Variants in MYO16 observed in about 807,000 individuals in gnomAD.
MYO16 encodes unconventional myosin-XVI.
Under a neutral mutation model 205.3 loss-of-function variants are expected in MYO16, and 94 were observed. That is an observed-to-expected ratio of 0.46 (90% CI 0.39 to 0.54). The LOEUF is 0.54. MYO16 is among the 20% of genes least tolerant of loss of function. MYO16 has a pLI of 0.00. For missense variants in MYO16, 2,315 were observed against 2,387.5 expected, an observed-to-expected ratio of 0.97 and a Z score of 0.63; for synonymous variants, 988 against 954.0, an observed-to-expected ratio of 1.04 and a Z score of -0.66.
chr13:108,651,308 C>A (rs1880993412), intron 1 of MYO16, among the ~76,000 whole-genome samples: 1 of 152,160 alleles, frequency 6.6e-6, no homozygotes, highest in Non-Finnish European at 1.5e-5. Flanking sequence ...GCTGGGTCTA[C>A]TGGGATAATG....
intron 4 of MYO16, among the ~76,000 whole-genome samples, chr13:108,754,117 A>AACAAACTGTAGCATGCAGG: frequency 6.6e-6 from 1 of 152,096 alleles, no homozygotes; most frequent in African/African-American, 2.4e-5. Flanking sequence ...TAGCATGCAG[A>AACAAACTGTAGCATGCAGG]ACAAACTGTA....
chr13:108,720,689 C>T (rs1398377282), intron 3 of MYO16, among the ~76,000 whole-genome samples: 1 of 152,148 alleles, frequency 6.6e-6, no homozygotes, highest in East Asian at 1.9e-4. Flanking sequence ...CTCTAGTCTC[C>T]TCTGCCATGA....
At chr13:108,987,658 A>G (rs545732671) in intron 20 of MYO16, among the ~76,000 whole-genome samples, 8 of 152,182 alleles carry the variant, frequency 5.3e-5, no homozygotes, top group Non-Finnish European at 1.2e-4. Flanking sequence ...GAATGTGTTT[A>G]TATTTAATTC....
intron 1 of MYO16, among the ~76,000 whole-genome samples, chr13:108,652,156 C>CGCGCGCGCATGTGT (rs2139403503): frequency 6.6e-6 from 1 of 150,710 alleles, no homozygotes. Flanking sequence ...TGTGTGTGTG[C>CGCGCGCGCATGTGT]GCGCGCGCGC....
At chr13:108,805,506 G>A (rs7325433) in intron 6 of MYO16, among the ~76,000 whole-genome samples, 96,865 of 151,912 alleles carry the variant, frequency 0.64, 32,704 homozygotes, top group East Asian at 0.77. Context: ...ACAAAATTCC[G>A]TGCTATCAAA....
chr13:108,679,994 C>T (rs1391374507), intron 2 of MYO16, among the ~76,000 whole-genome samples: 1 of 152,156 alleles, frequency 6.6e-6, no homozygotes, highest in African/African-American at 2.4e-5. Context: ...ACTTGCAGCT[C>T]TTTCTGTGTA....
chr13:108,567,602 C>T, the MYO16 span, among the ~76,000 whole-genome samples: 1 of 152,082 alleles, frequency 6.6e-6, no homozygotes, highest in Non-Finnish European at 1.5e-5. Flanking sequence ...ATGAAGAGAA[C>T]TTGGTGATAT....
chr13:108,528,546 T>TCTCTCCTCTC, the MYO16 span, among the ~76,000 whole-genome samples: 6 of 104,492 alleles, frequency 5.7e-5, no homozygotes, highest in South Asian at 1.0e-3. Flanking sequence ...TTTTATTTTG[T>TCTCTCCTCTC]CTCTCCTCTC....
chr13:108,936,937 G>A (rs949686732), intron 16 of MYO16, among the ~76,000 whole-genome samples: 25 of 152,248 alleles, frequency 1.6e-4, no homozygotes, highest in Admixed American at 5.2e-4. Flanking sequence ...TTGCTTTATA[G>A]TGTCTGTGTA....
chr13:109,103,868 G>A (rs1466702660), intron 28 of MYO16, among the ~76,000 whole-genome samples: 3 of 152,064 alleles, frequency 2.0e-5, no homozygotes, highest in Non-Finnish European at 4.4e-5. Context: ...GTTTGTAGTC[G>A]CACATGAGGT....
intron 10 of MYO16, among the ~76,000 whole-genome samples, chr13:108,853,265 A>G (rs1054068121): frequency 6.6e-6 from 1 of 152,200 alleles, no homozygotes; most frequent in Non-Finnish European, 1.5e-5. Flanking sequence ...AATTGTTTTG[A>G]CAACCCAGGA....
intron 15 of MYO16, among the ~76,000 whole-genome samples, chr13:108,905,310 C>T (rs1460741908): frequency 6.6e-6 from 1 of 152,168 alleles, no homozygotes; most frequent in Non-Finnish European, 1.5e-5. Flanking sequence ...TGGAAATAAA[C>T]CACTTTTGAA....
chr13:109,025,957 A>G (rs1886348494), intron 23 of MYO16, among the ~76,000 whole-genome samples: 2 of 152,224 alleles, frequency 1.3e-5, no homozygotes, highest in South Asian at 4.1e-4. Context: ...TGCTCATAGG[A>G]TCTTTGTCTG....
At chr13:109,038,978 C>T (rs1340106876) in intron 23 of MYO16, among the ~76,000 whole-genome samples, 1 of 152,084 alleles carries the variant, frequency 6.6e-6, no homozygotes, top group African/African-American at 2.4e-5. Context: ...GATAATACCC[C>T]ACTACCCAAT....
At chr13:108,507,612 A>G in the MYO16 span, among the ~76,000 whole-genome samples, 3 of 152,264 alleles carry the variant, frequency 2.0e-5, no homozygotes, top group South Asian at 2.1e-4. Flanking sequence ...TGGATTTATC[A>G]GAGTTGTAGT....
intron 24 of MYO16, chr13:109,048,389 AT>A: frequency 1.3e-6 from 1 of 740,896 alleles, no homozygotes; most frequent in Non-Finnish European, 2.5e-6. Context: ...ACCCTTTTGT[AT>A]TTATACAGGA....
intron 22 of MYO16, among the ~76,000 whole-genome samples, chr13:109,014,026 C>G (rs1885714341): frequency 6.6e-6 from 1 of 152,166 alleles, no homozygotes; most frequent in Non-Finnish European, 1.5e-5. Context: ...GTGTTTTACT[C>G]ATAAAGTCTT....
chr13:109,092,670 G>A (rs191962761), intron 27 of MYO16, among the ~76,000 whole-genome samples: 18 of 152,216 alleles, frequency 1.2e-4, no homozygotes, highest in Admixed American at 7.2e-4. Context: ...CAAACCCCCT[G>A]ACACATGTTT....
chr13:109,094,653 C>A (rs1888723594), intron 27 of MYO16, among the ~76,000 whole-genome samples: 2 of 152,310 alleles, frequency 1.3e-5, no homozygotes, highest in East Asian at 3.9e-4. Context: ...TTAGGTATTT[C>A]TTCTAATGCT....
Sources: allele counts gnomAD v4.1 joint callset (sites outside exome capture counted in the v4.1 genomes callset), GRCh38; gene constraint gnomAD v4.1.1; transcripts MANE v1.5; gene names NCBI Gene and HGNC (gene_info 2026-07-23, HGNC 2026-07-21).